The following CSMD2 variants were observed in gnomAD, a reference collection of about 807,000 sequenced individuals.
The protein encoded by CSMD2 is CUB and sushi domain-containing protein 2.
Under a neutral mutation model 398.5 loss-of-function variants are expected in CSMD2, and 130 were observed. The ratio of observed to expected loss-of-function variants is 0.33; its 90% CI spans 0.28 to 0.38. The LOEUF (loss-of-function observed/expected upper bound fraction) is 0.38, where lower values mean the gene tolerates loss of function less well. Among genes scored for constraint, CSMD2 ranks in the 10% least tolerant of loss-of-function variants. The pLI is 1.00. For missense variants in CSMD2, 3,829 were observed against 4,764.9 expected (o/e 0.80, Z 5.78); for synonymous variants, 1,828 against 1,908.5 (o/e 0.96, Z 1.10).
chr1:33,875,775 A>C (rs1640797598), intron 5 of CSMD2, among the ~76,000 whole-genome samples: 1 of 152,190 alleles, frequency 6.6e-6, no homozygotes, highest in Non-Finnish European at 1.5e-5. Context: ...ATTGGTAAAG[A>C]AGCAGCCATC....
chr1:33,523,897 T>C (rs1445820533), intron 66 of CSMD2, among the ~76,000 whole-genome samples: 1 of 152,246 alleles, frequency 6.6e-6, no homozygotes, highest in African/African-American at 2.4e-5. Context: ...TGCATTAATA[T>C]GTTCATTCAC....
At chr1:33,781,362 T>C (rs931314054) in intron 12 of CSMD2, among the ~76,000 whole-genome samples, 5 of 152,244 alleles carry the variant, frequency 3.3e-5, no homozygotes, top group Admixed American at 1.3e-4. Context: ...TATTTCCCTG[T>C]CTTCTAGCAC....
intron 13 of CSMD2, among the ~76,000 whole-genome samples, chr1:33,770,308 T>C (rs1263321070): frequency 6.6e-6 from 1 of 152,234 alleles, no homozygotes; most frequent in African/African-American, 2.4e-5. Context: ...AAGAACCTGG[T>C]CTTCAGATTT....
intron 28 of CSMD2, among the ~76,000 whole-genome samples, chr1:33,648,043 T>C (rs1373768641): frequency 6.6e-6 from 1 of 152,190 alleles, no homozygotes; most frequent in Non-Finnish European, 1.5e-5. Flanking sequence ...GTCAAAACCA[T>C]TGTGCCTAGA....
intron 1 of CSMD2, among the ~76,000 whole-genome samples, chr1:34,138,170 C>G (rs1346823945): frequency 1.3e-5 from 2 of 152,148 alleles, no homozygotes; most frequent in African/African-American, 4.8e-5. Context: ...AGTGAAGTCC[C>G]TTTTATGATC....
intron 3 of CSMD2, among the ~76,000 whole-genome samples, chr1:33,979,206 T>C (rs867780757): frequency 2.0e-5 from 3 of 152,180 alleles, no homozygotes; most frequent in Non-Finnish European, 4.4e-5. Context: ...GCCAGTGAGA[T>C]GCCCAGGGTG....
Position 33,546,234 on chromosome 1 carries a change from C to A in CSMD2, c.8918-15G>T, listed in dbSNP as rs1398423266. On this transcript the variant is annotated splice_polypyrimidine_tract_variant and intron_variant, in intron 56 of 70. Coordinates refer to ENST00000373381, the MANE Select transcript of CSMD2 (RefSeq NM_001281956.2). The stretch of plus-strand genomic sequence containing the variant: ...CACGCTGGTTCCTATGGACCAGAAC[C>A]ACACAAATCCCATTATTTTTCAGGG... The A allele has an allele frequency of 6.3e-7, 1 of 1,595,734 alleles. No homozygotes were observed. The highest frequency in any genetic ancestry group is 8.6e-7 in the Non-Finnish European group (1 of 1,167,400).
At chr1:33,661,760 GTAGCAGAAAAGAGC>G (rs2148997353) in intron 26 of CSMD2, among the ~76,000 whole-genome samples, 1 of 152,216 alleles carries the variant, frequency 6.6e-6, no homozygotes, top group African/African-American at 2.4e-5. Context: ...GATGACAGAC[GTAGCAGAAAAGAGC>G]TAGAAGCAGG....
chr1:34,055,865 C>T (rs189825009), intron 2 of CSMD2, among the ~76,000 whole-genome samples: 14 of 152,294 alleles, frequency 9.2e-5, no homozygotes, highest in African/African-American at 7.2e-5. Context: ...CACTGAAAAT[C>T]CCAACTCTTT....
intron 12 of CSMD2, among the ~76,000 whole-genome samples, chr1:33,787,708 CT>C: frequency 6.6e-6 from 1 of 152,186 alleles, no homozygotes; most frequent in Admixed American, 6.5e-5. Flanking sequence ...TTAACAGTAA[CT>C]TGTGGATGGC....
In CSMD2 at chr1:33,518,014, C is replaced by A. The variant is rs1406191384; in HGVS notation, c.*54-1444G>T. 6.6e-5 allele frequency among the ~76,000 whole-genome samples: 10 copies of A among 152,382 alleles called. No individual in the cohort carries two copies. In the East Asian group the frequency reaches 1.9e-3, roughly 29 times the overall value. On this transcript the variant is annotated intron_variant, in intron 70 of 70. Coordinates refer to ENST00000373381, the MANE Select transcript of CSMD2 (RefSeq NM_001281956.2). The surrounding 1 kb of genome is among the most constrained non-coding windows in gnomAD (Gnocchi z 4.3). ...CTGGGAGAATCTGCCACGTGAGCGG[C>A]CATGCACAGGAGCGTGGGGAGGGAG...
chr1:33,951,611 C>G (rs1404475631), intron 3 of CSMD2, among the ~76,000 whole-genome samples: 1 of 152,202 alleles, frequency 6.6e-6, no homozygotes, highest in Admixed American at 6.5e-5. Context: ...CCCTGCCAGG[C>G]TCACTTCCTT....
intron 2 of CSMD2, among the ~76,000 whole-genome samples, chr1:34,077,083 T>C (rs112787231): frequency 2.7e-4 from 40 of 149,914 alleles, no homozygotes; most frequent in African/African-American, 9.3e-4. Flanking sequence ...GGGGCTAGGA[T>C]TGGGGTAGGG....
At chr1:33,553,826 G>A (rs975717205) in intron 55 of CSMD2, among the ~76,000 whole-genome samples, 1 of 152,130 alleles carries the variant, frequency 6.6e-6, no homozygotes, top group African/African-American at 2.4e-5. Context: ...CCTGTGCATT[G>A]TAGGACGTTT....
In CSMD2 at chr1:33,569,517, G is replaced by C. The variant is rs777939906; in HGVS notation, c.7988C>G (p.Pro2663Arg). The change falls in exon 52 of 71, where the codon CCC becomes CGC. Residue 2663 changes from proline (P) to arginine (R), a missense_variant. By Grantham distance (103) the Pro-to-Arg change is moderately radical. Coordinates refer to ENST00000373381, the MANE Select transcript of CSMD2 (RefSeq NM_001281956.2). ...IISCGELPIP[P>R]NGHRIGTLSV... ...CAGTGTTCCGATGCGGTGGCCATTG[G>C]GGGGAATCGGGAGCTCTCCACAGGA... 4.2e-5 allele frequency: 67 copies of C among 1,614,026 alleles called. 1 individual carries two copies. The highest frequency in any genetic ancestry group is 1.6e-4 in the Middle Eastern group (1 of 6,084).
Position 33,577,174 on chromosome 1 carries a change from G to C in CSMD2, c.7576+122C>G, listed in dbSNP as rs1248262608. Reference sequence around the variant, plus strand: ...CACTACAGATCTTGTAAATGCTTGTGGAAAGAATGAAATAATTATCAAAGA... The same window carrying C: ...CACTACAGATCTTGTAAATGCTTGTCGAAAGAATGAAATAATTATCAAAGA... On this transcript the variant is annotated intron_variant, in intron 49 of 70. Transcript: ENST00000373381. The C allele has an allele frequency of 4.3e-6, 4 of 931,396 alleles. No individual in the cohort carries two copies. In the African/African-American group the frequency reaches 6.6e-5, roughly 15 times the overall value. The allele number at this position is 931,396 out of a possible 1,614,324, so 57.7% of individuals were successfully genotyped here.
intron 19 of CSMD2, among the ~76,000 whole-genome samples, chr1:33,722,689 T>C (rs1646396863): frequency 6.6e-6 from 1 of 152,188 alleles, no homozygotes; most frequent in Non-Finnish European, 1.5e-5. Flanking sequence ...TGCGATTTTT[T>C]TTTTTCTATT....
At chr1:33,771,765 C>T (rs2149327543) in intron 13 of CSMD2, among the ~76,000 whole-genome samples, 1 of 152,240 alleles carries the variant, frequency 6.6e-6, no homozygotes, top group African/African-American at 2.4e-5. Context: ...CTGCCTTTCC[C>T]TGAGAGAAGC....
intron 40 of CSMD2, 145 bp from the exon 41 acceptor site, chr1:33,611,395 G>A: frequency 1.5e-6 from 1 of 679,586 alleles, no homozygotes; most frequent in Non-Finnish European, 2.5e-6. Flanking sequence ...CTGGCTTTGG[G>A]AATTGCCCGT....
Sources: allele counts gnomAD v4.1 joint callset (sites outside exome capture counted in the v4.1 genomes callset), GRCh38; gene constraint gnomAD v4.1.1; non-coding constraint Gnocchi (gnomAD v3.1); transcripts MANE v1.5; gene names NCBI Gene and HGNC (gene_info 2026-07-23, HGNC 2026-07-21).